The following CCDC181 variants were observed in gnomAD, a reference collection of about 807,000 sequenced individuals.
The protein encoded by CCDC181 is coiled-coil domain containing 181, also known as coiled-coil domain-containing protein 181.
In CCDC181, 35 loss-of-function variants were observed where a neutral mutation model predicts 58.7. The ratio of observed to expected loss-of-function variants is 0.60; its 90% CI spans 0.46 to 0.79. CCDC181 has a LOEUF of 0.79. Ranked by LOEUF, CCDC181 falls within the 30% of genes least tolerant of loss-of-function variation. The pLI, the probability that CCDC181 is intolerant of heterozygous loss-of-function variation, is 0.00. For synonymous variants in CCDC181, 183 were observed against 197.5 expected, an observed-to-expected ratio of 0.93 and a Z score of 0.62; for missense variants, 517 against 583.9, an observed-to-expected ratio of 0.89 and a Z score of 1.18.
chr1:169,415,434 C>T (rs3753303), intron 4 of CCDC181, among the ~76,000 whole-genome samples: 81,249 of 151,926 alleles, frequency 0.53, 22,582 homozygotes, highest in Non-Finnish European at 0.6. Context: ...AACTCCCAAA[C>T]AACATCCATC....
chr1:169,431,145 G>C (rs555411685), upstream of CCDC181, among the ~76,000 whole-genome samples: 1 of 152,150 alleles, frequency 6.6e-6, no homozygotes, highest in Non-Finnish European at 1.5e-5. Flanking sequence ...ACTGACTCCA[G>C]ACCCTATTCT....
chr1:169,408,993 C>A (rs571929612), intron 4 of CCDC181, among the ~76,000 whole-genome samples: 4 of 152,318 alleles, frequency 2.6e-5, no homozygotes, highest in African/African-American at 9.6e-5. Flanking sequence ...TCCAAAGGAT[C>A]ACAACTCCTC....
intron 2 of CCDC181, among the ~76,000 whole-genome samples, chr1:169,446,072 T>G (rs931076106): frequency 6.6e-6 from 1 of 152,212 alleles, no homozygotes; most frequent in African/African-American, 2.4e-5. Flanking sequence ...TGATTTTCTC[T>G]ATTGTTTTCC....
In CCDC181 at chr1:169,421,367, CT is replaced by C; in HGVS notation, c.1063del (p.Arg355GlufsTer8). The C allele has an allele frequency of 6.2e-7, 1 of 1,602,326 alleles. No individual in the cohort carries two copies. The highest frequency in any genetic ancestry group is 8.5e-7 in the Non-Finnish European group (1 of 1,175,544). On this transcript the variant is annotated frameshift_variant, in exon 3 of 6. Transcript: ENST00000367806. LOFTEE classifies it high-confidence loss of function. ...AATGCCCACTTAGGTTCTCACCTCTCTTTTCAGTTTTTCTCTCTTTTCTTCT... is the reference window on the plus strand; with the variant it reads ...AATGCCCACTTAGGTTCTCACCTCTCTTTCAGTTTTTCTCTCTTTTCTTCT... ...QLEEKREKLK[R>X]EEERRKIEEE... is the part of the protein sequence containing the mutation.
At position 169,407,405 on chromosome 1, in the gene CCDC181, T is replaced by A. The variant is rs540926720; in HGVS notation, c.1216-10014A>T. Among the ~76,000 whole-genome samples the A allele has an allele frequency of 3.9e-5, 6 of 152,188 alleles. No homozygotes were observed. In the South Asian group the frequency reaches 1.2e-3, roughly 32 times the overall value. ...ACCAAGTAAAAGGAAAAAAAAATTCTTCGGTGATTTTCCACACATTCAGTA... is the reference window on the plus strand; with the variant it reads ...ACCAAGTAAAAGGAAAAAAAAATTCATCGGTGATTTTCCACACATTCAGTA... On this transcript the variant is annotated intron_variant, in intron 4 of 5. Transcript: ENST00000367806.
At chr1:169,407,288 C>T (rs1256244817) in intron 4 of CCDC181, among the ~76,000 whole-genome samples, 1 of 152,038 alleles carries the variant, frequency 6.6e-6, no homozygotes, top group African/African-American at 2.4e-5. Context: ...TGATAGCCAA[C>T]CTCTGAATAG....
At chr1:169,439,619 G>A (rs55940409) in intron 2 of CCDC181, among the ~76,000 whole-genome samples, 1 of 152,068 alleles carries the variant, frequency 6.6e-6, no homozygotes, top group Non-Finnish European at 1.5e-5. Flanking sequence ...TCTTTTAGCA[G>A]TTGCCATCCA....
intron 4 of CCDC181, among the ~76,000 whole-genome samples, chr1:169,403,945 A>G (rs1446469351): frequency 6.6e-6 from 1 of 152,218 alleles, no homozygotes; most frequent in African/African-American, 2.4e-5. Flanking sequence ...AGAGAGAAGA[A>G]TCAAATAGAT....
At chr1:169,413,689 A>G (rs1343994597) in intron 4 of CCDC181, among the ~76,000 whole-genome samples, 1 of 152,208 alleles carries the variant, frequency 6.6e-6, no homozygotes, top group Non-Finnish European at 1.5e-5. Flanking sequence ...GTATGCAGCT[A>G]TAAAAAAGGA....
chr1:169,434,686 G>A (rs1657008843), intron 2 of CCDC181, among the ~76,000 whole-genome samples: 1 of 151,946 alleles, frequency 6.6e-6, no homozygotes, highest in African/African-American at 2.4e-5. Flanking sequence ...ATAAAGCCAT[G>A]TATGAAAAAC....
intron 2 of CCDC181, among the ~76,000 whole-genome samples, chr1:169,437,981 A>T (rs955044911): frequency 6.6e-5 from 10 of 152,170 alleles, no homozygotes; most frequent in African/African-American, 2.4e-4. Context: ...GCTCTTAAGG[A>T]TACAAAACTA....
At chr1:169,405,943 T>TAAACAA (rs71121776) in intron 4 of CCDC181, among the ~76,000 whole-genome samples, 1 of 151,300 alleles carries the variant, frequency 6.6e-6, no homozygotes, top group Admixed American at 6.6e-5. Flanking sequence ...ACAAAGAGCT[T>TAAACAA]AAATTTACAA....
intron 2 of CCDC181, among the ~76,000 whole-genome samples, chr1:169,436,522 T>A (rs1571507863): frequency 6.6e-6 from 1 of 152,022 alleles, no homozygotes; most frequent in Non-Finnish European, 1.5e-5. Flanking sequence ...TCTCAAAGGT[T>A]GACAGACTGA....
In CCDC181 at chr1:169,406,983, C is replaced by T. The variant is rs550233140; in HGVS notation, c.1216-9592G>A. Reference sequence around the variant, plus strand: ...TTTTCAGTAAACAGACGTTTAGTAACATGAGATAATAGCAAGTCTTCTAAC... The same window carrying T: ...TTTTCAGTAAACAGACGTTTAGTAATATGAGATAATAGCAAGTCTTCTAAC... On this transcript the variant is annotated intron_variant, in intron 4 of 5. Coordinates refer to ENST00000367806, the MANE Select transcript of CCDC181 (RefSeq NM_001300969.2). 3.7e-4 allele frequency among the ~76,000 whole-genome samples: 53 copies of T among 143,036 alleles called. 1 individual carries two copies. Among genetic ancestry groups the T allele is most frequent in the African/African-American group, 1.4e-3 (52 of 38,240 alleles). 93.8% of individuals were successfully genotyped at this position (143,036 alleles called of 152,430 possible). A position where few individuals can be genotyped will look rare whatever the true frequency, so the allele number is the denominator to read the frequency against.
chr1:169,408,363 A>C (rs1190440496), intron 4 of CCDC181, among the ~76,000 whole-genome samples: 1 of 152,200 alleles, frequency 6.6e-6, no homozygotes, highest in Non-Finnish European at 1.5e-5. Context: ...CTCTCTGGGC[A>C]GGGCATCTCT....
Position 169,399,919 on chromosome 1 carries a change from A to G in CCDC181, c.1216-2528T>C, listed in dbSNP as rs1261491726. On this transcript the variant is annotated intron_variant, in intron 4 of 5. Transcript: ENST00000367806. ...TCACTGGGCTCATGAAACAGATAGG[A>G]GTCTGGGGCTGCTGAGACAGCTGAA... Among the ~76,000 whole-genome samples the G allele has an allele frequency of 2.6e-5, 4 of 152,094 alleles. No individual in the cohort carries two copies. In the East Asian group the frequency reaches 7.7e-4, roughly 29 times the overall value.
chr1:169,446,349 C>G (rs1047730151), intron 2 of CCDC181, among the ~76,000 whole-genome samples: 7 of 152,102 alleles, frequency 4.6e-5, no homozygotes, highest in South Asian at 2.1e-4. Context: ...GAGGCTGAGA[C>G]AGGAGAACTG....
At chr1:169,404,315 C>A (rs921417978) in intron 4 of CCDC181, among the ~76,000 whole-genome samples, 10 of 152,078 alleles carry the variant, frequency 6.6e-5, no homozygotes, top group African/African-American at 1.9e-4. Flanking sequence ...CGTTATAAGG[C>A]CAGCATCATC....
rs537233417 is a variant in CCDC181, at chr1:169,402,910, CCATGTG to C, written c.1216-5525_1216-5520del. ...CATCAGTGTGCTGTATTCAGGATAC[CCATGTG>C]CAGAGACACACATAGGCTCAAAATA... is the stretch of plus-strand genomic sequence containing the variant. On this transcript the variant is annotated intron_variant, in intron 4 of 5. Transcript: ENST00000367806. Among the ~76,000 whole-genome samples the C allele has an allele frequency of 1.6e-3, 244 of 151,764 alleles. 2 individuals are homozygous for C. Among genetic ancestry groups the C allele is most frequent in the African/African-American group, 5.5e-3 (229 of 41,324 alleles).
Sources: gnomAD v4.1 joint callset for allele counts (sites outside exome capture counted in the v4.1 genomes callset) on GRCh38, gnomAD v4.1.1 for gene constraint, MANE v1.5 for transcripts, NCBI Gene and HGNC (gene_info 2026-07-23, HGNC 2026-07-21) for gene names.